PDZRN4: variants seen among roughly 807,000 people sequenced by gnomAD.
PDZRN4 encodes PDZ domain containing ring finger 4.
A neutral mutation model predicts 99.0 loss-of-function variants in PDZRN4; 70 were observed. The ratio of observed to expected loss-of-function variants is 0.71; its 90% CI spans 0.58 to 0.86. The LOEUF (loss-of-function observed/expected upper bound fraction) is 0.86. PDZRN4 is among the 40% of genes least tolerant of loss of function. The probability of loss-of-function intolerance (pLI) is 0.00; values close to 1 mark genes in which losing one functional copy is unlikely to be tolerated. For missense variants in PDZRN4, 1,474 were observed against 1,331.2 expected, an observed-to-expected ratio of 1.11 and a Z score of -1.67; for synonymous variants, 551 against 501.6, an observed-to-expected ratio of 1.10 and a Z score of -1.32.
At chr12:41,458,426 G>A (rs1952836849) in intron 3 of PDZRN4, among the ~76,000 whole-genome samples, 1 of 152,140 alleles carries the variant, frequency 6.6e-6, no homozygotes. Flanking sequence ...CAAAGTGCTG[G>A]AATTACAGGC....
intron 8 of PDZRN4, among the ~76,000 whole-genome samples, chr12:41,566,115 T>C (rs1939366560): frequency 6.6e-6 from 1 of 152,160 alleles, no homozygotes; most frequent in Non-Finnish European, 1.5e-5. Context: ...AAAATAGACA[T>C]ATAATGACTA....
intron 5 of PDZRN4, among the ~76,000 whole-genome samples, chr12:41,539,913 G>A (rs1407507244): frequency 1.3e-5 from 2 of 152,040 alleles, no homozygotes; most frequent in Non-Finnish European, 2.9e-5. Flanking sequence ...AGATATTCAG[G>A]TCTACTAATT....
chr12:41,418,815 G>C (rs565398604), intron 3 of PDZRN4, among the ~76,000 whole-genome samples: 1 of 152,160 alleles, frequency 6.6e-6, no homozygotes, highest in African/African-American at 2.4e-5. Flanking sequence ...GAGAAGAATC[G>C]TTGGGTGACC....
At chr12:41,409,055 A>C (rs1448261502) in intron 3 of PDZRN4, among the ~76,000 whole-genome samples, 1 of 152,186 alleles carries the variant, frequency 6.6e-6, no homozygotes, top group African/African-American at 2.4e-5. Context: ...ATGCATTTTA[A>C]AAGAGGAGAT....
intron 3 of PDZRN4, among the ~76,000 whole-genome samples, chr12:41,352,351 A>T (rs1280074271): frequency 6.6e-6 from 1 of 152,134 alleles, no homozygotes; most frequent in Non-Finnish European, 1.5e-5. Flanking sequence ...AGACTTAAGC[A>T]TGTCAGATGC....
intron 3 of PDZRN4, among the ~76,000 whole-genome samples, chr12:41,454,839 C>T (rs930297160): frequency 3.9e-5 from 6 of 152,194 alleles, no homozygotes; most frequent in African/African-American, 1.2e-4. Context: ...CCTGAACCAA[C>T]ACTTTCCAAT....
Position 41,558,047 on chromosome 12 carries a change from A to C in PDZRN4, c.1365+2287A>C, listed in dbSNP as rs1054875370. 3.9e-5 allele frequency among the ~76,000 whole-genome samples: 6 copies of C among 152,202 alleles called. No individual in the cohort carries two copies. In the East Asian group the frequency reaches 7.7e-4, roughly 20 times the overall value. On this transcript the variant is annotated intron_variant, in intron 7 of 9. Coordinates refer to ENST00000402685, the MANE Select transcript of PDZRN4 (RefSeq NM_001164595.2). ...GCTTTGCTTGTACAGCTTCGTTAAG[A>C]AATTAAAGGGACCATTTTCGTGTGT... is the stretch of plus-strand genomic sequence containing the variant.
chr12:41,272,965 G>A (rs1266515295), intron 3 of PDZRN4, among the ~76,000 whole-genome samples: 8 of 151,958 alleles, frequency 5.3e-5, no homozygotes, highest in Middle Eastern at 3.2e-3. Context: ...AAATATTTAG[G>A]AGGAAATTGA....
chr12:41,404,853 A>T (rs979863069), intron 3 of PDZRN4, among the ~76,000 whole-genome samples: 7 of 125,468 alleles, frequency 5.6e-5, no homozygotes, highest in African/African-American at 1.2e-4. Flanking sequence ...CTTCAACAAG[A>T]CCAAAAAAAC....
chr12:41,368,955 C>T (rs1323263198), intron 3 of PDZRN4, among the ~76,000 whole-genome samples: 6 of 152,004 alleles, frequency 3.9e-5, no homozygotes, highest in Non-Finnish European at 8.8e-5. Flanking sequence ...TACCCAAGAT[C>T]GAACCAATCT....
intron 5 of PDZRN4, among the ~76,000 whole-genome samples, chr12:41,535,498 T>A (rs953182436): frequency 2.0e-5 from 3 of 152,212 alleles, no homozygotes; most frequent in African/African-American, 7.2e-5. Context: ...CATTCTCAAG[T>A]GAGACTTTTT....
At chr12:41,471,504 A>G (rs961315888) in intron 3 of PDZRN4, among the ~76,000 whole-genome samples, 8 of 150,482 alleles carry the variant, frequency 5.3e-5, no homozygotes, top group African/African-American at 1.9e-4. Context: ...GCCTTCTACA[A>G]GGTAGAAATT....
At chr12:41,282,717 C>G (rs1951396136) in intron 3 of PDZRN4, among the ~76,000 whole-genome samples, 1 of 152,188 alleles carries the variant, frequency 6.6e-6, no homozygotes, top group South Asian at 2.1e-4. Context: ...GATTAAGAAA[C>G]TCACTCAAAA....
At chr12:41,478,493 CA>C (rs1455688848) in intron 3 of PDZRN4, among the ~76,000 whole-genome samples, 1 of 151,072 alleles carries the variant, frequency 6.6e-6, no homozygotes, top group East Asian at 1.9e-4. Context: ...TCATTTGTTA[CA>C]AAAAAATAAA....
chr12:41,534,690 A>T (rs1452943026), intron 5 of PDZRN4, among the ~76,000 whole-genome samples: 1 of 151,972 alleles, frequency 6.6e-6, no homozygotes, highest in Non-Finnish European at 1.5e-5. Context: ...TCTTTACTTT[A>T]CCCTTGTTCC....
chr12:41,262,774 G>A (rs1407233699), intron 3 of PDZRN4, among the ~76,000 whole-genome samples: 1 of 152,096 alleles, frequency 6.6e-6, no homozygotes, highest in Non-Finnish European at 1.5e-5. Flanking sequence ...TTTTAATAGT[G>A]AAATATCATT....
rs12309166 is a variant in PDZRN4 at position 41,463,755 on chromosome 12, G to A, written c.844-42701G>A. Among the ~76,000 whole-genome samples the A allele has an allele frequency of 5.0e-3, 754 of 152,250 alleles. 9 individuals carry two copies. The highest frequency in any genetic ancestry group is 0.017 in the African/African-American group (718 of 41,566). On this transcript the variant is annotated intron_variant, in intron 3 of 9. Transcript: ENST00000402685. ...TAGGTTACTCACACCCACTTTGTTT[G>A]TAAGTACATTTTTGTTTTCCATTCC...
intron 9 of PDZRN4, among the ~76,000 whole-genome samples, chr12:41,568,354 G>A (rs1017151245): frequency 1.8e-4 from 28 of 152,114 alleles, no homozygotes; most frequent in Non-Finnish European, 1.9e-4. Flanking sequence ...TTTTATTTGC[G>A]TACTGGATGG....
chr12:41,539,078 C>T (rs2120761332), intron 5 of PDZRN4, among the ~76,000 whole-genome samples: 1 of 151,700 alleles, frequency 6.6e-6, no homozygotes, highest in South Asian at 2.1e-4. Context: ...GCAATTATGC[C>T]AATAAGTGAT....
Sources: gnomAD v4.1 joint callset for allele counts (sites outside exome capture counted in the v4.1 genomes callset) on GRCh38, gnomAD v4.1.1 for gene constraint, MANE v1.5 for transcripts, NCBI Gene and HGNC (gene_info 2026-07-23, HGNC 2026-07-21) for gene names.